Variants in LYST observed in about 807,000 individuals in gnomAD.
LYST encodes the protein lysosomal trafficking regulator.
Under a neutral mutation model 413.6 loss-of-function variants are expected in LYST, and 192 were observed. The ratio of observed to expected loss-of-function variants is 0.46; its 90% CI spans 0.41 to 0.52. The LOEUF (loss-of-function observed/expected upper bound fraction) is 0.52, where lower values mean the gene tolerates loss of function less well. LYST is among the 20% of genes least tolerant of loss of function. LYST has a pLI of 0.00. For synonymous variants in LYST, 1,525 were observed against 1,567.3 expected, an observed-to-expected ratio of 0.97 and a Z score of 0.64; for missense variants, 3,815 against 4,499.9, an observed-to-expected ratio of 0.85 and a Z score of 4.35.
At chr1:235,707,873 TG>T (rs994078029) in intron 44 of LYST, among the ~76,000 whole-genome samples, 4 of 151,810 alleles carry the variant, frequency 2.6e-5, no homozygotes, top group Non-Finnish European at 5.9e-5. Flanking sequence ...AGGGTTTTTT[TG>T]GGGGGGGATT....
chr1:235,803,120 T>C (rs1672427126), intron 7 of LYST, 56 bp from the exon 8 acceptor site: 1 of 1,357,302 alleles, frequency 7.4e-7, no homozygotes, highest in Non-Finnish European at 1.0e-6. Context: ...AGTAATAGAA[T>C]ACTTATTACT....
intron 31 of LYST, among the ~76,000 whole-genome samples, chr1:235,739,477 G>T (rs576043087): frequency 6.6e-6 from 1 of 152,004 alleles, no homozygotes; most frequent in African/African-American, 2.4e-5. Context: ...TGTTCCAAAG[G>T]ATCTTATTTT....
chr1:235,810,125 C>G lies in LYST; in HGVS notation c.693G>C (p.Gln231His). ...LENSREIIPRQGSNTDILSEP... is the reference protein window; with the variant it reads ...LENSREIIPRHGSNTDILSEP... ...CACTTAAAATGTCAGTGTTTGACCC[C>G]TGTCTTGGAATAATCTCTCTGGAAT... Residue 231 changes from glutamine (Q) to histidine (H), a missense_variant, in exon 5 of 53, where the codon CAG becomes CAC. Gln to His is a conservative substitution (Grantham distance 24). This residue lies in a region of LYST where 1,648 missense variants were observed against 1,810.3 expected (regional missense o/e 0.91). Transcript: ENST00000389793. 6.2e-7 allele frequency: 1 copy of G among 1,614,162 alleles called. No individual in the cohort carries two copies. The highest frequency in any genetic ancestry group is 8.5e-7 in the Non-Finnish European group (1 of 1,180,004).
chr1:235,707,680 T>C (rs1168314095), intron 44 of LYST, among the ~76,000 whole-genome samples: 1 of 152,108 alleles, frequency 6.6e-6, no homozygotes, highest in Non-Finnish European at 1.5e-5. Context: ...TAGGAATTTA[T>C]CTTAAGGAAG....
chr1:235,727,889 A>G (rs1305552615), intron 38 of LYST, among the ~76,000 whole-genome samples, 187 bp downstream of exon 38: 1 of 152,220 alleles, frequency 6.6e-6, no homozygotes, highest in East Asian at 1.9e-4. Context: ...GCCATAAGCC[A>G]GAGGAGATGG....
In LYST at chr1:235,690,846, G is replaced by A. The variant is rs115327756; in HGVS notation, c.10701+2504C>T. On this transcript the variant is annotated intron_variant, in intron 47 of 52. Transcript: ENST00000389793. ...AGTCAAAAAAGAAGGCTGTCCATACGATTTACAGTCTGGAACGGTTGCAGC... is the reference window on the plus strand; with the variant it reads ...AGTCAAAAAAGAAGGCTGTCCATACAATTTACAGTCTGGAACGGTTGCAGC... Among the ~76,000 whole-genome samples, 1,223 of 152,070 alleles carry A rather than the reference G, an allele frequency of 8.0e-3. 7 individuals are homozygous for A. Among genetic ancestry groups the A allele is most frequent in the Non-Finnish European group, 0.012 (801 of 67,994 alleles).
In LYST at chr1:235,706,693, T is replaced by C. The variant is rs1446471018; in HGVS notation, c.10143+2398A>G. 2.0e-5 allele frequency among the ~76,000 whole-genome samples: 3 copies of C among 152,354 alleles called. No homozygotes were observed. In the East Asian group the frequency reaches 5.8e-4, roughly 29 times the overall value. ...ATATTAATATTATATGTAAAGTTGT[T>C]ATTCACCAATGAAACTATATTATTC... On this transcript the variant is annotated intron_variant, in intron 44 of 52. Coordinates refer to ENST00000389793, the MANE Select transcript of LYST (RefSeq NM_000081.4).
chr1:235,843,203 A>G (rs1188571087), intron 1 of LYST, among the ~76,000 whole-genome samples: 1 of 152,208 alleles, frequency 6.6e-6, no homozygotes, highest in Non-Finnish European at 1.5e-5. Context: ...AAAGGGGTCC[A>G]TTGTGCTACA....
In LYST at chr1:235,759,041, T is replaced by A; in HGVS notation, c.6812A>T (p.Asp2271Val). ...AGAATAGGCAAAGTTTTCCCAATCA[T>A]CAGTGTTTCTATCAACAAGACTTGG... ...RWPSLVDRNT[D>V]DWENFAYSLG... is the part of the protein sequence containing the mutation. The change falls in exon 23 of 53, where the codon GAT becomes GTT. Residue 2271 changes from aspartate to valine, a missense_variant. Physicochemically the swap from Asp to Val is radical, Grantham distance 152 (BLOSUM62 -3). Coordinates refer to ENST00000389793, the MANE Select transcript of LYST (RefSeq NM_000081.4). 2 of 1,614,082 alleles carry A rather than the reference T, an allele frequency of 1.2e-6. No homozygotes were observed. Among genetic ancestry groups the A allele is most frequent in the Admixed American group, 3.3e-5 (2 of 60,006 alleles).
At chr1:235,818,992 C>A (rs182939522) in intron 3 of LYST, among the ~76,000 whole-genome samples, 1 of 152,320 alleles carries the variant, frequency 6.6e-6, no homozygotes, top group Non-Finnish European at 1.5e-5. Context: ...CTGTTCTCCC[C>A]CTCAAGAGAA....
intron 46 of LYST, among the ~76,000 whole-genome samples, chr1:235,695,655 C>T (rs1474976769): frequency 1.0e-4 from 11 of 109,186 alleles, no homozygotes; most frequent in African/African-American, 4.3e-4. Context: ...TTTTTTGAGA[C>T]GGAGTCTTGC....
intron 1 of LYST, among the ~76,000 whole-genome samples, chr1:235,864,580 C>T (rs1223265694): frequency 2.0e-5 from 3 of 152,212 alleles, no homozygotes; most frequent in African/African-American, 4.8e-5. Context: ...TCCTGCTCAA[C>T]CCTTCCCCTA....
intron 50 of LYST, among the ~76,000 whole-genome samples, chr1:235,669,791 T>C (rs1222655567): frequency 2.0e-5 from 3 of 152,218 alleles, no homozygotes; most frequent in Non-Finnish European, 1.5e-5. Context: ...CTGCTTTTGT[T>C]CTTTTGTTGC....
rs199601043 is a variant in LYST, at chr1:235,715,877, AAAAG to A, written c.9628-524_9628-521del. Among the ~76,000 whole-genome samples the A allele has an allele frequency of 3.2e-3, 480 of 151,032 alleles. 3 individuals are homozygous for A. Among genetic ancestry groups the A allele is most frequent in the African/African-American group, 0.011 (449 of 40,450 alleles). ...GTGCAGTTATCAGAGATAAAAAAAA[AAAAG>A]AATATGGTGATTTTTCACTACTCCT... On this transcript the variant is annotated intron_variant, in intron 41 of 52. Coordinates refer to ENST00000389793, the MANE Select transcript of LYST (RefSeq NM_000081.4).
chr1:235,805,535 T>A (rs1296591169), intron 6 of LYST, among the ~76,000 whole-genome samples: 1 of 151,590 alleles, frequency 6.6e-6, no homozygotes, highest in Admixed American at 6.6e-5. Context: ...CTGACACTTA[T>A]AAAATGTGTG....
chr1:235,721,858 G>A (rs1421883248), intron 39 of LYST, among the ~76,000 whole-genome samples: 1 of 152,190 alleles, frequency 6.6e-6, no homozygotes, highest in Non-Finnish European at 1.5e-5. Context: ...AAATTCTGAA[G>A]AACTGGAACT....
intron 1 of LYST, among the ~76,000 whole-genome samples, chr1:235,875,515 C>T (rs1681096983): frequency 6.6e-6 from 1 of 152,110 alleles, no homozygotes; most frequent in Non-Finnish European, 1.5e-5. Flanking sequence ...TAATAAGGAC[C>T]AGACACCAAA....
chr1:235,759,081 C>G lies in LYST; in HGVS notation c.6772G>C (p.Ala2258Pro), dbSNP rs373212564. 2.5e-5 allele frequency: 40 copies of G among 1,614,080 alleles called. No homozygotes were observed. Among genetic ancestry groups the G allele is most frequent in the Non-Finnish European group, 3.0e-5 (35 of 1,180,040 alleles). The part of the protein sequence containing the change: ...LAFPSQNGSA[A>P]VGRWPSLVDR... ...ACAAGACTTGGCCAACGGCCAACAG[C>G]TGCAGATCCGTTCTGTGAAGGAAAA... Residue 2258 changes from alanine (A) to proline (P), a missense_variant, in exon 23 of 53, where the codon GCT (alanine) becomes CCT (proline). By Grantham distance (27) the Ala-to-Pro change is conservative. This residue lies in a region of LYST where 771 missense variants were observed against 837.1 expected (regional missense o/e 0.92). Coordinates refer to ENST00000389793, the MANE Select transcript of LYST (RefSeq NM_000081.4).
rs777951471 is a variant in LYST, at chr1:235,663,026, T to A, written c.11320A>T (p.Thr3774Ser). 6 of 1,613,954 alleles carry A rather than the reference T, an allele frequency of 3.7e-6. No individual in the cohort carries two copies. The highest frequency in any genetic ancestry group is 2.2e-5 in the East Asian group (1 of 44,884). Residue 3774 changes from threonine to serine, a missense_variant, in exon 53 of 53, where the codon ACC becomes TCC. Around this residue, in one of 4 missense-constraint regions of LYST, gnomAD observed 866 missense variants for 1,156.0 expected, o/e 0.75. Coordinates refer to ENST00000389793, the MANE Select transcript of LYST (RefSeq NM_000081.4). ...TCCTTCCGACACCAGGCAATCACGG[T>A]CCCATCACTGTTTGCTGTGTACAAA... The part of the protein sequence containing the change: ...HHLYTANSDG[T>S]VIAWCRKDQQ...
Sources: gnomAD v4.1 joint callset for allele counts (sites outside exome capture counted in the v4.1 genomes callset) on GRCh38, gnomAD v4.1.1 for gene constraint, gnomAD v4.1.1 regional missense constraint, MANE v1.5 for transcripts, NCBI Gene and HGNC (gene_info 2026-07-23, HGNC 2026-07-21) for gene names.